PABPC4L: variants seen among roughly 807,000 people sequenced by gnomAD.
PABPC4L encodes the protein polyadenylate-binding protein 4-like.
For missense variants in PABPC4L, 452 were observed against 451.4 expected, an observed-to-expected ratio of 1.00 and a Z score of -0.01; for synonymous variants, 169 against 164.1, an observed-to-expected ratio of 1.03 and a Z score of -0.23.
At chr4:134,182,900 A>G in the PABPC4L span, among the ~76,000 whole-genome samples, 1 of 152,030 alleles carries the variant, frequency 6.6e-6, no homozygotes, top group Non-Finnish European at 1.5e-5. Flanking sequence ...TCAAAACCAC[A>G]ATGAGAAAGC....
the PABPC4L span, among the ~76,000 whole-genome samples, chr4:134,092,221 C>A: frequency 6.6e-6 from 1 of 151,876 alleles, no homozygotes; most frequent in East Asian, 1.9e-4. Flanking sequence ...TTTCCAAAAC[C>A]ACCCAGGCCT....
chr4:134,084,919 A>T, the PABPC4L span, among the ~76,000 whole-genome samples: 2 of 152,096 alleles, frequency 1.3e-5, no homozygotes, highest in African/African-American at 2.4e-5. Context: ...AATTTATTTG[A>T]TGAAAAGGAA....
the PABPC4L span, among the ~76,000 whole-genome samples, chr4:134,146,571 G>A: frequency 1.2e-4 from 18 of 152,124 alleles, no homozygotes; most frequent in Non-Finnish European, 2.4e-4. Flanking sequence ...CCTGCAGTTT[G>A]GTGAGTTTTG....
the PABPC4L span, among the ~76,000 whole-genome samples, chr4:134,184,239 G>T: frequency 6.6e-6 from 1 of 151,814 alleles, no homozygotes; most frequent in Non-Finnish European, 1.5e-5. Context: ...TGCAGGAAAA[G>T]GCTAAACTTT....
the PABPC4L span, among the ~76,000 whole-genome samples, chr4:134,054,431 A>C: frequency 2.0e-5 from 3 of 151,484 alleles, no homozygotes; most frequent in East Asian, 5.8e-4. Flanking sequence ...TAACATCTTA[A>C]TAACTATAGT....
the PABPC4L span, among the ~76,000 whole-genome samples, chr4:133,986,629 T>C: frequency 6.6e-6 from 1 of 151,774 alleles, no homozygotes; most frequent in Non-Finnish European, 1.5e-5. Context: ...GGTCATAAAT[T>C]AAAAACTTGA....
the PABPC4L span, among the ~76,000 whole-genome samples, chr4:134,126,229 G>A: frequency 1.3e-5 from 2 of 151,980 alleles, no homozygotes; most frequent in Admixed American, 1.3e-4. Context: ...ATGTGCCCCT[G>A]GGGACATGTG....
At chr4:134,133,412 A>G in the PABPC4L span, among the ~76,000 whole-genome samples, 1 of 144,486 alleles carries the variant, frequency 6.9e-6, no homozygotes, top group Non-Finnish European at 1.5e-5. Flanking sequence ...ATATATTATT[A>G]TATGGTATAT....
the PABPC4L span, among the ~76,000 whole-genome samples, chr4:134,049,534 A>G: frequency 6.6e-6 from 1 of 152,282 alleles, no homozygotes; most frequent in South Asian, 2.1e-4. Flanking sequence ...ATTACAGTGC[A>G]GATTACATGA....
At chr4:134,024,518 G>T in the PABPC4L span, among the ~76,000 whole-genome samples, 1 of 152,080 alleles carries the variant, frequency 6.6e-6, no homozygotes, top group Non-Finnish European at 1.5e-5. Context: ...TGAAGAGGGA[G>T]AGCTGTCTGG....
chr4:134,058,508 A>G, the PABPC4L span, among the ~76,000 whole-genome samples: 25 of 152,138 alleles, frequency 1.6e-4, no homozygotes, highest in African/African-American at 6.0e-4. Context: ...ACACACACAC[A>G]CGAGTTATTG....
chr4:134,000,219 A>T, the PABPC4L span, among the ~76,000 whole-genome samples: 1 of 152,182 alleles, frequency 6.6e-6, no homozygotes. Flanking sequence ...ACTCTGACCC[A>T]TCATAGTACA....
chr4:134,158,929 T>C, the PABPC4L span, among the ~76,000 whole-genome samples: 1 of 152,168 alleles, frequency 6.6e-6, no homozygotes, highest in Non-Finnish European at 1.5e-5. Flanking sequence ...GCGTAGCATG[T>C]TACTATATTG....
the PABPC4L span, among the ~76,000 whole-genome samples, chr4:134,015,570 A>C: frequency 8.5e-5 from 13 of 152,214 alleles, no homozygotes; most frequent in South Asian, 2.7e-3. Flanking sequence ...AGTTAAGCCC[A>C]AATTTCATCC....
At chr4:134,079,748 T>C in the PABPC4L span, among the ~76,000 whole-genome samples, 2 of 151,386 alleles carry the variant, frequency 1.3e-5, no homozygotes, top group African/African-American at 4.9e-5. Context: ...TTAATAGAAA[T>C]AGAGATGAAA....
the PABPC4L span, among the ~76,000 whole-genome samples, chr4:133,988,644 T>A: frequency 3.9e-5 from 6 of 152,056 alleles, no homozygotes; most frequent in Non-Finnish European, 8.8e-5. Context: ...TCACATTGAG[T>A]GTCTGTGGCT....
the PABPC4L span, among the ~76,000 whole-genome samples, chr4:134,032,773 TA>T: frequency 6.6e-6 from 1 of 151,988 alleles, no homozygotes; most frequent in Non-Finnish European, 1.5e-5. Context: ...TTACAAGATT[TA>T]AATCTTTAAT....
At chr4:134,007,592 T>A in the PABPC4L span, among the ~76,000 whole-genome samples, 3 of 151,598 alleles carry the variant, frequency 2.0e-5, no homozygotes, top group Non-Finnish European at 3.0e-5. Context: ...CTCAATATCA[T>A]AGATTCCATA....
the PABPC4L span, among the ~76,000 whole-genome samples, chr4:134,145,928 G>A: frequency 6.6e-6 from 1 of 151,778 alleles, no homozygotes; most frequent in Non-Finnish European, 1.5e-5. Flanking sequence ...TTTTAAAAAT[G>A]GTCCTAAATG....
Sources: allele counts gnomAD v4.1 joint callset (sites outside exome capture counted in the v4.1 genomes callset), GRCh38; gene constraint gnomAD v4.1.1; transcripts MANE v1.5; gene names NCBI Gene and HGNC (gene_info 2026-07-23, HGNC 2026-07-21).